The following ESRRG variants were observed in gnomAD, a reference collection of about 807,000 sequenced individuals.
ESRRG encodes the protein estrogen related receptor gamma.
A neutral mutation model predicts 44.0 loss-of-function variants in ESRRG; 13 were observed. The ratio of observed to expected loss-of-function variants is 0.30; its 90% CI spans 0.19 to 0.47. ESRRG has a LOEUF of 0.47. ESRRG is among the 20% of genes least tolerant of loss of function. The probability of loss-of-function intolerance (pLI) is 1.00; values close to 1 mark genes in which losing one functional copy is unlikely to be tolerated. For synonymous variants in ESRRG, 215 were observed against 214.6 expected, an observed-to-expected ratio of 1.00 and a Z score of -0.02; for missense variants, 395 against 580.6, an observed-to-expected ratio of 0.68 and a Z score of 3.29.
intron 3 of ESRRG, among the ~76,000 whole-genome samples, chr1:216,574,594 A>G (rs2061374118): frequency 6.6e-6 from 1 of 152,168 alleles, no homozygotes; most frequent in South Asian, 2.1e-4. Context: ...TACTTTCCCA[A>G]TTTAAAGATA....
chr1:217,016,010 G>A (rs550906530), intron 1 of ESRRG, among the ~76,000 whole-genome samples: 17 of 152,168 alleles, frequency 1.1e-4, no homozygotes, highest in Non-Finnish European at 2.1e-4. Flanking sequence ...GAAATATGCC[G>A]AGAAAGTTTG....
intron 3 of ESRRG, among the ~76,000 whole-genome samples, chr1:216,643,421 A>G (rs1426964747): frequency 3.3e-5 from 5 of 152,224 alleles, no homozygotes; most frequent in Non-Finnish European, 7.3e-5. Context: ...TTTCCTAAAC[A>G]TTAGGTCAGC....
At chr1:216,511,564 C>CACACACACACACACACACACAG (rs1284316047) in intron 6 of ESRRG, among the ~76,000 whole-genome samples, 2 of 151,924 alleles carry the variant, frequency 1.3e-5, no homozygotes, top group Non-Finnish European at 2.9e-5. Context: ...CACACACACA[C>CACACACACACACACACACACAG]AGACAAATAC....
chr1:216,740,788 G>A (rs11572658), intron 2 of ESRRG, among the ~76,000 whole-genome samples: 3,675 of 152,006 alleles, frequency 0.024, 145 homozygotes, highest in African/African-American at 0.084. Flanking sequence ...TTTATTTGTA[G>A]TGTTTTCCTC....
upstream of ESRRG, among the ~76,000 whole-genome samples, chr1:216,727,974 T>G (rs1383850299): frequency 6.6e-6 from 1 of 152,194 alleles, no homozygotes; most frequent in East Asian, 1.9e-4. Context: ...TTCAGGATTA[T>G]TTCACCTTCG....
chr1:216,694,618 G>A (rs757780650), intron 1 of ESRRG, among the ~76,000 whole-genome samples: 21 of 151,446 alleles, frequency 1.4e-4, no homozygotes, highest in Non-Finnish European at 2.6e-4. Context: ...GTGCAGTGGC[G>A]TGATCAGAGC....
intron 3 of ESRRG, among the ~76,000 whole-genome samples, chr1:216,602,508 A>G (rs532316001): frequency 1.8e-4 from 27 of 152,360 alleles, no homozygotes; most frequent in Admixed American, 1.5e-3. Context: ...GAATTTTTCC[A>G]TGAACTATTG....
intron 2 of ESRRG, chr1:216,862,598 T>C (rs191354244): frequency 5.3e-5 from 8 of 152,274 alleles, no homozygotes; most frequent in African/African-American, 1.9e-4. Context: ...CATGGATATA[T>C]GTTAAAATAA....
intron 2 of ESRRG, among the ~76,000 whole-genome samples, chr1:216,880,326 A>AAAAAAAAAAAAAAAAAAAAAAAAAAAAC (rs2096425848): frequency 6.6e-6 from 1 of 150,620 alleles, no homozygotes; most frequent in Non-Finnish European, 1.5e-5. Context: ...AAAAAAAAAA[A>AAAAAAAAAAAAAAAAAAAAAAAAAAAAC]AAAAAAAAGT....
rs200346957 is a variant in ESRRG, at chr1:217,070,294, G to C, written c.-106+19213C>G. Among the ~76,000 whole-genome samples the C allele has an allele frequency of 2.2e-4, 34 of 152,174 alleles. 1 individual carries two copies. The East Asian group carries it at 6.2e-3, about 28-fold the overall frequency. On this transcript the variant is annotated intron_variant, in intron 1 of 7. Coordinates refer to the ESRRG transcript ENST00000359162. Reference sequence around the variant, plus strand: ...ATTTTAAAATAAAAATCATCAAATAGTATTAAACTCCTAGTATTCTAATAT... The same window carrying C: ...ATTTTAAAATAAAAATCATCAAATACTATTAAACTCCTAGTATTCTAATAT...
chr1:216,992,007 C>T (rs372550584), intron 1 of ESRRG, among the ~76,000 whole-genome samples: 22 of 152,262 alleles, frequency 1.4e-4, no homozygotes, highest in South Asian at 1.0e-3. Context: ...GTGTGTGATA[C>T]GCTGCTTTCA....
At chr1:216,565,835 T>C (rs1420967403) in intron 4 of ESRRG, among the ~76,000 whole-genome samples, 4 of 152,204 alleles carry the variant, frequency 2.6e-5, no homozygotes, top group African/African-American at 9.6e-5. Flanking sequence ...CAACACCCCA[T>C]ACTTTTAGTT....
upstream of ESRRG, among the ~76,000 whole-genome samples, chr1:217,090,941 T>C (rs1174064265): frequency 1.3e-5 from 2 of 152,236 alleles, no homozygotes; most frequent in Admixed American, 1.3e-4. Flanking sequence ...TGAGAATGCA[T>C]TTTTAGCCGG....
chr1:216,671,970 A>C (rs781372152), intron 2 of ESRRG, among the ~76,000 whole-genome samples: 2 of 152,010 alleles, frequency 1.3e-5, no homozygotes, highest in Non-Finnish European at 2.9e-5. Context: ...TGCCTCCTTA[A>C]CAAGAGTCTA....
chr1:216,891,887 C>T (rs1196138729), intron 2 of ESRRG, among the ~76,000 whole-genome samples: 3 of 150,870 alleles, frequency 2.0e-5, no homozygotes, highest in Admixed American at 1.3e-4. Flanking sequence ...ACAATCTCCA[C>T]CTCCTGGGTT....
chr1:217,029,579 G>A (rs1411054610), intron 1 of ESRRG, among the ~76,000 whole-genome samples: 3 of 152,166 alleles, frequency 2.0e-5, no homozygotes, highest in Non-Finnish European at 4.4e-5. Context: ...TGGGCTCTGT[G>A]TCCATTCAAT....
chr1:217,122,774 G>A (rs545262701), intron 1 of ESRRG, among the ~76,000 whole-genome samples: 41 of 149,416 alleles, frequency 2.7e-4, no homozygotes, highest in East Asian at 8.0e-4. Context: ...GAGTTCAAGT[G>A]ATTCTCCCAC....
intron 2 of ESRRG, among the ~76,000 whole-genome samples, chr1:216,738,155 AC>A: frequency 6.6e-6 from 1 of 152,236 alleles, no homozygotes; most frequent in Middle Eastern, 3.4e-3. Flanking sequence ...TGGGGTCCAT[AC>A]AGTGGTATTT....
chr1:217,136,069 A>G lies in ESRRG; in HGVS notation c.-230+1598T>C, dbSNP rs114790922. On this transcript the variant is annotated intron_variant, in intron 1 of 8. Coordinates refer to the ESRRG transcript ENST00000366940. ...GAAGGGGGTAAGAATCTCGCCATTT[A>G]TCTGACCTTCTCTACCCACCTACCT... Among the ~76,000 whole-genome samples the G allele has an allele frequency of 6.2e-3, 949 of 152,264 alleles. 11 individuals are homozygous for G. The highest frequency in any genetic ancestry group is 0.022 in the African/African-American group (909 of 41,570).
Sources: allele counts gnomAD v4.1 joint callset (sites outside exome capture counted in the v4.1 genomes callset), GRCh38; gene constraint gnomAD v4.1.1; transcripts MANE v1.5; gene names NCBI Gene and HGNC (gene_info 2026-07-23, HGNC 2026-07-21).